The following LTBP1 variants were observed in gnomAD, a reference collection of about 807,000 sequenced individuals.
The protein encoded by LTBP1 is latent-transforming growth factor beta-binding protein 1.
Under a neutral mutation model 207.6 loss-of-function variants are expected in LTBP1, and 129 were observed. That is an observed-to-expected ratio of 0.62 (90% CI 0.54 to 0.72). The LOEUF (loss-of-function observed/expected upper bound fraction) is 0.72, where lower values mean the gene tolerates loss of function less well. Among genes scored for constraint, LTBP1 ranks in the 30% least tolerant of loss-of-function variants. The probability of loss-of-function intolerance (pLI) is 0.00; values close to 1 mark genes in which losing one functional copy is unlikely to be tolerated. For missense variants in LTBP1, 2,281 were observed against 2,217.2 expected (o/e 1.03, Z -0.58); for synonymous variants, 963 against 833.7 (o/e 1.16, Z -2.67).
intron 9 of LTBP1, among the ~76,000 whole-genome samples, chr2:33,228,781 T>C (rs1364556914): frequency 1.1e-4 from 15 of 141,380 alleles, no homozygotes; most frequent in Admixed American, 2.3e-4. Flanking sequence ...CTCACTGCAA[T>C]CTCCGCCTCC....
At chr2:33,010,109 G>A (rs1687468384) in intron 2 of LTBP1, among the ~76,000 whole-genome samples, 1 of 152,194 alleles carries the variant, frequency 6.6e-6, no homozygotes, top group Admixed American at 6.5e-5. Context: ...CAGCCATGGG[G>A]GGACATGGGG....
At chr2:33,397,727 T>G (rs2095372744) in intron 33 of LTBP1, among the ~76,000 whole-genome samples, 1 of 150,362 alleles carries the variant, frequency 6.7e-6, no homozygotes, top group African/African-American at 2.5e-5. Flanking sequence ...TTTCACCGTG[T>G]TAGCCAGGAT....
chr2:33,271,198 T>C (rs775826697), intron 15 of LTBP1, among the ~76,000 whole-genome samples: 1 of 152,212 alleles, frequency 6.6e-6, no homozygotes, highest in Non-Finnish European at 1.5e-5. Context: ...ATTGTGGGAG[T>C]GGGTTAGTGA....
At chr2:33,372,053 A>G (rs562552955) in intron 31 of LTBP1, among the ~76,000 whole-genome samples, 2 of 152,214 alleles carry the variant, frequency 1.3e-5, no homozygotes, top group Non-Finnish European at 2.9e-5. Flanking sequence ...AGTTTAAGGC[A>G]TCCACTGGGG....
At chr2:33,179,684 G>A (rs1216078570) in intron 5 of LTBP1, among the ~76,000 whole-genome samples, 3 of 151,988 alleles carry the variant, frequency 2.0e-5, no homozygotes, top group Non-Finnish European at 4.4e-5. Flanking sequence ...TGGCTAATGG[G>A]TTATTTAAAA....
intron 3 of LTBP1, among the ~76,000 whole-genome samples, chr2:33,077,738 G>C (rs1041801296): frequency 6.6e-6 from 1 of 152,136 alleles, no homozygotes; most frequent in African/African-American, 2.4e-5. Flanking sequence ...ACGCATTGTT[G>C]TTTTTTACTT....
At chr2:33,323,465 C>G (rs1030143054) in intron 24 of LTBP1, among the ~76,000 whole-genome samples, 1 of 152,064 alleles carries the variant, frequency 6.6e-6, no homozygotes, top group Non-Finnish European at 1.5e-5. Context: ...GATGAAACCC[C>G]ATCTCTACTA....
chr2:33,378,221 GT>G (rs1553314618), intron 31 of LTBP1, among the ~76,000 whole-genome samples: 16 of 140,320 alleles, frequency 1.1e-4, no homozygotes, highest in Admixed American at 2.8e-4. Flanking sequence ...GTGTGTGTGT[GT>G]TTTGTTTGTT....
intron 11 of LTBP1, among the ~76,000 whole-genome samples, chr2:33,253,650 C>G (rs914171621): frequency 6.6e-6 from 1 of 152,124 alleles, no homozygotes; most frequent in Non-Finnish European, 1.5e-5. Context: ...AGGAAAGTGT[C>G]TTAACTCTCA....
chr2:33,215,462 AACT>A (rs1325608018), intron 7 of LTBP1, among the ~76,000 whole-genome samples: 1 of 152,236 alleles, frequency 6.6e-6, no homozygotes, highest in East Asian at 1.9e-4. Flanking sequence ...GCTATGATGT[AACT>A]AAAACTTAGC....
chr2:33,129,597 CTA>C (rs2081642356), intron 4 of LTBP1, among the ~76,000 whole-genome samples: 1 of 151,974 alleles, frequency 6.6e-6, no homozygotes, highest in Admixed American at 6.5e-5. Context: ...TTGCTATTTC[CTA>C]TTGCTTATTC....
At chr2:33,288,622 G>A (rs1002840586) in intron 19 of LTBP1, among the ~76,000 whole-genome samples, 5 of 152,114 alleles carry the variant, frequency 3.3e-5, no homozygotes, top group African/African-American at 9.7e-5. Context: ...TTGGGAGGCC[G>A]AGGCGGGCAG....
Position 33,398,484 on chromosome 2 carries a change from C to T in LTBP1, c.5105C>T (p.Pro1702Leu). The change falls in exon 34 of 34, where the codon CCA becomes CTA. Residue 1702 changes from proline to leucine, a missense_variant. Pro to Leu is a moderately conservative substitution (Grantham distance 98). This residue lies in a region of LTBP1 where 1,671 missense variants were observed against 1,634.8 expected (regional missense o/e 1.02). Coordinates refer to ENST00000404816, the MANE Select transcript of LTBP1 (RefSeq NM_206943.4). ...CCAGGCTACGTGCCTTCTGACAAGC[C>T]AAACTACTGCACTCCGTTGAATACC... ...CLPGYVPSDK[P>L]NYCTPLNTAL... is the part of the protein sequence containing the mutation. 1.2e-6 allele frequency: 2 copies of T among 1,614,202 alleles called. No individual in the cohort carries two copies. Among genetic ancestry groups the T allele is most frequent in the Non-Finnish European group, 1.7e-6 (2 of 1,180,038 alleles).
At chr2:33,065,217 A>G (rs1317522918) in intron 3 of LTBP1, among the ~76,000 whole-genome samples, 1 of 152,158 alleles carries the variant, frequency 6.6e-6, no homozygotes, top group African/African-American at 2.4e-5. Context: ...GGTTAGTTAA[A>G]TCAATTAAGT....
intron 5 of LTBP1, among the ~76,000 whole-genome samples, chr2:33,158,470 T>G (rs2084187475): frequency 6.6e-6 from 1 of 152,144 alleles, no homozygotes; most frequent in African/African-American, 2.4e-5. Flanking sequence ...TGCCACTTTT[T>G]GGAATTAATC....
chr2:32,949,085 C>A, intron 2 of LTBP1, 140 bp downstream of exon 2: 1 of 775,530 alleles, frequency 1.3e-6, no homozygotes, highest in Non-Finnish European at 2.2e-6. Flanking sequence ...GGCTTCATTA[C>A]CACCTAGGAA....
chr2:33,123,358 C>T (rs1250637938), intron 4 of LTBP1, among the ~76,000 whole-genome samples: 3 of 152,014 alleles, frequency 2.0e-5, no homozygotes, highest in African/African-American at 7.2e-5. Flanking sequence ...AGTAAGATTC[C>T]TGGAATCCTA....
At chr2:33,014,489 C>T (rs1019653178) in intron 2 of LTBP1, among the ~76,000 whole-genome samples, 2 of 152,202 alleles carry the variant, frequency 1.3e-5, no homozygotes, top group African/African-American at 4.8e-5. Context: ...CAATTTCTCA[C>T]CTGCTGTCTC....
chr2:33,110,049 G>A (rs2080304133), intron 3 of LTBP1, among the ~76,000 whole-genome samples: 1 of 152,038 alleles, frequency 6.6e-6, no homozygotes, highest in Admixed American at 6.5e-5. Context: ...TTCCAGTGCT[G>A]CACGCTTACT....
Sources: allele counts gnomAD v4.1 joint callset (sites outside exome capture counted in the v4.1 genomes callset), GRCh38; gene constraint gnomAD v4.1.1; regional missense constraint gnomAD v4.1.1; transcripts MANE v1.5; gene names NCBI Gene and HGNC (gene_info 2026-07-23, HGNC 2026-07-21).